WDR59: variants seen among roughly 807,000 people sequenced by gnomAD.
The protein encoded by WDR59 is WD repeat domain 59.
In WDR59, 100 loss-of-function variants were observed where a neutral mutation model predicts 131.2. That is an observed-to-expected ratio of 0.76 (90% confidence interval 0.65 to 0.90). The LOEUF (loss-of-function observed/expected upper bound fraction) is 0.90. Among genes scored for constraint, WDR59 ranks in the 40% least tolerant of loss-of-function variants. The probability of loss-of-function intolerance (pLI) is 0.00; values close to 1 mark genes in which losing one functional copy is unlikely to be tolerated. For synonymous variants in WDR59, 601 were observed against 466.2 expected (o/e 1.29, Z -3.72); for missense variants, 1,203 against 1,262.2 (o/e 0.95, Z 0.71).
rs186917270 is a variant in WDR59 at position 74,898,874 on chromosome 16, C to T, written c.1867-5062G>A. On this transcript the variant is annotated intron_variant, in intron 18 of 25. Coordinates refer to ENST00000262144, the MANE Select transcript of WDR59 (RefSeq NM_030581.4). ...GGGACAGGCTTTTGGAAGGTGGCCC[C>T]GTTGGTGGCTCCACCTACAAGTTGT... 8.3e-3 allele frequency among the ~76,000 whole-genome samples: 1,269 copies of T among 152,286 alleles called. 8 individuals carry two copies. The highest frequency in any genetic ancestry group is 0.015 in the Non-Finnish European group (1,054 of 68,020).
rs370386044 is a variant in WDR59 at position 74,927,587 on chromosome 16, C to CAA, written c.652-3586_652-3585dup. On this transcript the variant is annotated intron_variant, in intron 8 of 25. Coordinates refer to ENST00000262144, the MANE Select transcript of WDR59 (RefSeq NM_030581.4). ...TGGGCAATAGAGCGAGACTCCATCT[C>CAA]AAAAAAAAAAAAAAAAAAAAGAATT... 3.3e-3 allele frequency among the ~76,000 whole-genome samples: 189 copies of CAA among 57,688 alleles called. 7 individuals are homozygous for CAA. The highest frequency in any genetic ancestry group is 0.028 in the Middle Eastern group (2 of 72). 37.8% of individuals were successfully genotyped at this position (57,688 alleles called of 152,430 possible).
At chr16:74,954,109 A>C (rs1203940216) in intron 3 of WDR59, among the ~76,000 whole-genome samples, 3 of 151,854 alleles carry the variant, frequency 2.0e-5, no homozygotes, top group Non-Finnish European at 4.4e-5. Context: ...GGGGGAATAT[A>C]AACTAAAACC....
At chr16:74,957,122 C>A (rs1053627645) in intron 2 of WDR59, among the ~76,000 whole-genome samples, 5 of 150,082 alleles carry the variant, frequency 3.3e-5, no homozygotes, top group Admixed American at 6.7e-5. Context: ...GCTCTGTCAC[C>A]CAGGCTGGAG....
At chr16:74,883,709 G>A (rs1438660283) in intron 25 of WDR59, among the ~76,000 whole-genome samples, 3 of 151,868 alleles carry the variant, frequency 2.0e-5, no homozygotes, top group Non-Finnish European at 4.4e-5. Flanking sequence ...CTTCCTCTAC[G>A]ACCCTAGCTC....
At chr16:74,898,207 CAT>C (rs1369906455) in intron 18 of WDR59, among the ~76,000 whole-genome samples, 3 of 152,310 alleles carry the variant, frequency 2.0e-5, no homozygotes, top group African/African-American at 7.2e-5. Context: ...CATACTGACA[CAT>C]GAGGCTAAGG....
At chr16:74,919,516 A>G (rs1228503083) in intron 10 of WDR59, among the ~76,000 whole-genome samples, 2 of 148,504 alleles carry the variant, frequency 1.3e-5, no homozygotes, top group African/African-American at 5.0e-5. Flanking sequence ...TTTTTTTAAT[A>G]TATTTTGGTA....
chr16:74,942,287 G>A (rs1423989551), intron 7 of WDR59, among the ~76,000 whole-genome samples: 10 of 152,078 alleles, frequency 6.6e-5, no homozygotes, highest in Non-Finnish European at 1.0e-4. Context: ...CTTGCTCATC[G>A]TTATTGGAAG....
chr16:74,915,486 G>A (rs1402670687), intron 13 of WDR59: 3 of 162,218 alleles, frequency 1.8e-5, no homozygotes, highest in Admixed American at 5.8e-5. Context: ...CTGGAGGACA[G>A]TGGTGCGATC....
chr16:74,916,235 C>T lies in WDR59; in HGVS notation c.991G>A (p.Gly331Ser), dbSNP rs776646755. ...QRLCANDILD[G>S]VDEFIESISL... ...ATACTCTCAATGAACTCATCAACAC[C>T]ATCTAATATGTCATTTGCACAAAGC... Residue 331 changes from glycine to serine, a missense_variant, in exon 12 of 26, where the codon GGT becomes AGT. Physicochemically the swap from Gly to Ser is moderately conservative, Grantham distance 56 (BLOSUM62 0). Transcript: ENST00000262144. 1.4e-5 allele frequency: 23 copies of T among 1,614,028 alleles called. No homozygotes were observed. The highest frequency in any genetic ancestry group is 1.9e-5 in the Non-Finnish European group (23 of 1,179,986).
chr16:74,876,004 C>A (rs1020676528), intron 25 of WDR59, among the ~76,000 whole-genome samples: 2 of 152,150 alleles, frequency 1.3e-5, no homozygotes, highest in Non-Finnish European at 2.9e-5. Context: ...TCTCCCGGCT[C>A]CTGCACCTGC....
intron 10 of WDR59, among the ~76,000 whole-genome samples, chr16:74,921,499 T>A (rs1166622798): frequency 1.3e-5 from 2 of 152,080 alleles, no homozygotes; most frequent in East Asian, 3.9e-4. Context: ...CTGTTTTCTT[T>A]TTTTTTTTCT....
At chr16:74,917,155 C>T (rs942995381) in intron 11 of WDR59, among the ~76,000 whole-genome samples, 10 of 152,268 alleles carry the variant, frequency 6.6e-5, no homozygotes, top group Non-Finnish European at 1.3e-4. Context: ...AGAGCAAGGG[C>T]CACCAAAGCA....
At chr16:74,902,870 C>A (rs1371550760) in intron 18 of WDR59, among the ~76,000 whole-genome samples, 1 of 149,968 alleles carries the variant, frequency 6.7e-6, no homozygotes, top group African/African-American at 2.5e-5. Flanking sequence ...GCCAAGTGGG[C>A]AGAATTCCAT....
At chr16:74,906,888 A>T (rs138092902) in intron 17 of WDR59, among the ~76,000 whole-genome samples, 1 of 152,168 alleles carries the variant, frequency 6.6e-6, no homozygotes, top group Non-Finnish European at 1.5e-5. Flanking sequence ...ACAGTGTTCT[A>T]TATCTTGATA....
chr16:74,882,078 C>A (rs1964513472), intron 25 of WDR59, among the ~76,000 whole-genome samples: 1 of 152,078 alleles, frequency 6.6e-6, no homozygotes, highest in Admixed American at 6.5e-5. Flanking sequence ...GCACTACAGA[C>A]ATCTTGACCC....
rs560983202 is a variant in WDR59, at chr16:74,900,609, G to A, written c.1866+3338C>T. ...AACATTTCATCAGCTATTAAGAGTC[G>A]GTTCACTTGTCAAATGAATGTTAGC... On this transcript the variant is annotated intron_variant, in intron 18 of 25. Coordinates refer to ENST00000262144, the MANE Select transcript of WDR59 (RefSeq NM_030581.4). Among the ~76,000 whole-genome samples, 7 of 152,212 alleles carry A rather than the reference G, an allele frequency of 4.6e-5. No individual in the cohort carries two copies. In the East Asian group the frequency reaches 1.2e-3, roughly 25 times the overall value.
intron 3 of WDR59, among the ~76,000 whole-genome samples, chr16:74,952,612 A>G (rs2033070642): frequency 6.6e-6 from 1 of 151,902 alleles, no homozygotes; most frequent in East Asian, 1.9e-4. Flanking sequence ...CACAGCTACA[A>G]TAGAAAAATA....
chr16:74,912,170 A>G (rs1567712098), intron 14 of WDR59, 28 bp downstream of exon 14: 4 of 1,614,116 alleles, frequency 2.5e-6, no homozygotes, highest in Middle Eastern at 3.3e-4. Context: ...CAGAACAGCA[A>G]GGAGAATTTG....
At chr16:74,979,328 T>C (rs879459079) in intron 1 of WDR59, among the ~76,000 whole-genome samples, 3 of 151,516 alleles carry the variant, frequency 2.0e-5, no homozygotes, top group Non-Finnish European at 4.4e-5. Flanking sequence ...TAGCCAGGCA[T>C]GGTGGCGGGC....
Sources: gnomAD v4.1 joint callset for allele counts (sites outside exome capture counted in the v4.1 genomes callset) on GRCh38, gnomAD v4.1.1 for gene constraint, MANE v1.5 for transcripts, NCBI Gene and HGNC (gene_info 2026-07-23, HGNC 2026-07-21) for gene names.